The following STIM1 variants were observed in gnomAD, a reference collection of about 807,000 sequenced individuals.
The protein encoded by STIM1 is stromal interaction molecule 1.
STIM1 carries 25 observed loss-of-function variants against 74.7 expected under a neutral mutation model. The observed-to-expected ratio is 0.33, with a 90% CI of 0.24 to 0.47. The LOEUF (loss-of-function observed/expected upper bound fraction) is 0.47. STIM1 is among the 20% of genes least tolerant of loss of function. The pLI is 1.00. For missense variants in STIM1, 728 were observed against 920.8 expected (o/e 0.79, Z 2.71); for synonymous variants, 328 against 348.8 (o/e 0.94, Z 0.66).
At chr11:4,001,420 G>T (rs867760218) in intron 2 of STIM1, among the ~76,000 whole-genome samples, 1 of 152,116 alleles carries the variant, frequency 6.6e-6, no homozygotes, top group Non-Finnish European at 1.5e-5. Context: ...GAAGAGAGTG[G>T]GGACCAATAT....
chr11:3,886,195 T>C (rs931581219), intron 1 of STIM1, among the ~76,000 whole-genome samples: 1 of 152,208 alleles, frequency 6.6e-6, no homozygotes, highest in Non-Finnish European at 1.5e-5. Context: ...TTGAATTCTT[T>C]ATAGAAAATT....
intron 1 of STIM1, among the ~76,000 whole-genome samples, chr11:3,876,972 C>G (rs1033040922): frequency 6.6e-6 from 1 of 152,090 alleles, no homozygotes; most frequent in Non-Finnish European, 1.5e-5. Context: ...CTGCCCAGCC[C>G]CTTTACTGAG....
chr11:3,980,979 A>T (rs1020988192), intron 2 of STIM1, among the ~76,000 whole-genome samples: 1 of 152,160 alleles, frequency 6.6e-6, no homozygotes, highest in African/African-American at 2.4e-5. Flanking sequence ...CCTAGATTAA[A>T]TGTTGCTTCA....
At chr11:4,006,105 T>G (rs557949904) in intron 2 of STIM1, among the ~76,000 whole-genome samples, 1 of 152,148 alleles carries the variant, frequency 6.6e-6, no homozygotes, top group Non-Finnish European at 1.5e-5. Context: ...TTAGGAGTGA[T>G]TGGATTATCG....
intron 3 of STIM1, among the ~76,000 whole-genome samples, chr11:4,040,160 A>G (rs545023913): frequency 2.0e-5 from 3 of 152,274 alleles, no homozygotes; most frequent in African/African-American, 7.2e-5. Context: ...TTGGCCCTAG[A>G]AGGTAGTGTT....
At chr11:3,957,104 C>G (rs992385543) in intron 1 of STIM1, among the ~76,000 whole-genome samples, 16 of 152,068 alleles carry the variant, frequency 1.1e-4, no homozygotes, top group Non-Finnish European at 1.5e-4. Context: ...GAATCACAAG[C>G]TGTGTCCTCA....
At chr11:3,862,698 G>A (rs557483651) in intron 1 of STIM1, among the ~76,000 whole-genome samples, 1 of 151,922 alleles carries the variant, frequency 6.6e-6, no homozygotes, top group African/African-American at 2.4e-5. Context: ...TGTCCGCCTT[G>A]GCCTCCCAAA....
intron 2 of STIM1, among the ~76,000 whole-genome samples, chr11:4,019,302 G>GT (rs200741047): frequency 1.4e-4 from 21 of 151,744 alleles, no homozygotes; most frequent in Admixed American, 1.4e-3. Context: ...CTTCCCTGCT[G>GT]TTTTTTTCTT....
At chr11:3,964,868 G>A (rs1210138136) in intron 1 of STIM1, among the ~76,000 whole-genome samples, 1 of 152,050 alleles carries the variant, frequency 6.6e-6, no homozygotes, top group Non-Finnish European at 1.5e-5. Context: ...GGGACCACAG[G>A]TGTGTGCCAT....
chr11:4,047,817 TCTC>T (rs1221720977), intron 3 of STIM1, among the ~76,000 whole-genome samples: 1 of 126,014 alleles, frequency 7.9e-6, no homozygotes, highest in Non-Finnish European at 1.8e-5. Flanking sequence ...AAGACCTGTC[TCTC>T]TTTTTTTTTT....
intron 2 of STIM1, among the ~76,000 whole-genome samples, chr11:4,012,759 A>G (rs1304745001): frequency 1.3e-5 from 2 of 152,142 alleles, no homozygotes; most frequent in Admixed American, 6.5e-5. Flanking sequence ...TTCCAACACT[A>G]TGTTGAATAG....
intron 1 of STIM1, among the ~76,000 whole-genome samples, chr11:3,908,923 C>T (rs1372581427): frequency 6.6e-6 from 1 of 152,146 alleles, no homozygotes. Context: ...TGAGTTCTTC[C>T]TGTGCACCAT....
At chr11:3,975,549 C>T (rs1440715500) in intron 2 of STIM1, among the ~76,000 whole-genome samples, 1 of 151,902 alleles carries the variant, frequency 6.6e-6, no homozygotes, top group African/African-American at 2.4e-5. Context: ...AGCCGGGAGG[C>T]GGAGGTTGCA....
At chr11:4,063,770 G>C (rs978395021) in intron 5 of STIM1, among the ~76,000 whole-genome samples, 3 of 152,120 alleles carry the variant, frequency 2.0e-5, no homozygotes, top group Non-Finnish European at 4.4e-5. Flanking sequence ...TTTCAAAATT[G>C]CCACTCACTG....
intron 1 of STIM1, among the ~76,000 whole-genome samples, chr11:3,894,846 C>A (rs931081079): frequency 6.6e-6 from 1 of 151,892 alleles, no homozygotes; most frequent in African/African-American, 2.4e-5. Flanking sequence ...TCAAGCAATT[C>A]TCCTGCCTCA....
intron 1 of STIM1, among the ~76,000 whole-genome samples, chr11:3,902,302 C>G (rs2092368724): frequency 6.6e-6 from 1 of 152,172 alleles, no homozygotes; most frequent in South Asian, 2.1e-4. Flanking sequence ...AGTTTATATA[C>G]TGCAGAAGCT....
chr11:4,020,709 C>G (rs995583003), intron 2 of STIM1, among the ~76,000 whole-genome samples: 4 of 152,042 alleles, frequency 2.6e-5, no homozygotes, highest in Non-Finnish European at 4.4e-5. Context: ...TGACCTCAGG[C>G]TCTAGCTTCA....
At chr11:3,905,638 T>A (rs1340783323) in intron 1 of STIM1, among the ~76,000 whole-genome samples, 1 of 152,176 alleles carries the variant, frequency 6.6e-6, no homozygotes, top group African/African-American at 2.4e-5. Context: ...CTAGATACAT[T>A]AGACACATCT....
chr11:4,088,694 C>T (rs1216202710), intron 12 of STIM1: 23 of 1,535,550 alleles, frequency 1.5e-5, no homozygotes, highest in Middle Eastern at 1.7e-4. Context: ...TTTTGCACCA[C>T]GCACCAGAGG....
Sources: gnomAD v4.1 joint callset for allele counts (sites outside exome capture counted in the v4.1 genomes callset) on GRCh38, gnomAD v4.1.1 for gene constraint, MANE v1.5 for transcripts, NCBI Gene and HGNC (gene_info 2026-07-23, HGNC 2026-07-21) for gene names.